SART3: variants seen among roughly 807,000 people sequenced by gnomAD.
SART3 encodes the protein spliceosome associated factor 3, U4/U6 recycling protein, also known as HIV-1 Tat-interacting protein of 110kDa.
A neutral mutation model predicts 122.3 loss-of-function variants in SART3; 44 were observed. The observed-to-expected ratio is 0.36, with a 90% CI of 0.28 to 0.46. The LOEUF (loss-of-function observed/expected upper bound fraction) is 0.46. SART3 is among the 20% of genes least tolerant of loss of function. The pLI is 1.00. For missense variants in SART3, 1,101 were observed against 1,229.0 expected, an observed-to-expected ratio of 0.90 and a Z score of 1.56; for synonymous variants, 442 against 454.0, an observed-to-expected ratio of 0.97 and a Z score of 0.34.
At chr12:108,558,578 C>T (rs770322333) in intron 1 of SART3, among the ~76,000 whole-genome samples, 1 of 152,178 alleles carries the variant, frequency 6.6e-6, no homozygotes, top group Non-Finnish European at 1.5e-5. Context: ...TGGTCCCAAA[C>T]CTCTCTTTCC....
rs1872342821 is a variant in SART3, at chr12:108,525,716, A to G, written c.2371-107T>C. 3 of 1,171,540 alleles carry G rather than the reference A, an allele frequency of 2.6e-6. No individual in the cohort carries two copies. The African/African-American group carries it at 4.5e-5, about 17-fold the overall frequency. 72.6% of individuals were successfully genotyped at this position (1,171,540 alleles called of 1,614,324 possible). A position where few individuals can be genotyped will look rare whatever the true frequency, so the allele number is the denominator to read the frequency against. ...CCCCATGAGCAGCCCAGCCAGGCAG[A>G]CTAGAGCCAAGCCATGCTCTGAAAC... On this transcript the variant is annotated intron_variant, in intron 16 of 18. Coordinates refer to ENST00000546815, the MANE Select transcript of SART3 (RefSeq NM_014706.4).
rs749187771 is a variant in SART3, at chr12:108,561,125, T to C, written c.30A>G (p.Ser10=). 9.3e-6 allele frequency: 15 copies of C among 1,613,566 alleles called. No homozygotes were observed. The South Asian group carries it at 1.1e-4, about 12-fold the overall frequency. The change falls in exon 1 of 19, where the codon TCA becomes TCG. Residue 10 remains serine, a synonymous_variant. Coordinates refer to ENST00000546815, the MANE Select transcript of SART3 (RefSeq NM_014706.4). The part of the protein sequence containing the change: MATAAETSA[S]EPEAESKAGP... ...CAGCCTTGGACTCAGCCTCGGGTTC[T>C]GAAGCCGAGGTTTCGGCCGCAGTCG...
intron 17 of SART3, chr12:108,524,760 T>A (rs540991485): frequency 1.8e-6 from 1 of 563,770 alleles, no homozygotes; most frequent in African/African-American, 1.9e-5. Context: ...ACCTTGTACG[T>A]GCTGCAGAAG....
rs759061939 is a variant in SART3, at chr12:108,531,193, A to G, written c.1746+11T>C. On this transcript the variant is annotated intron_variant, in intron 14 of 18. Transcript: ENST00000546815. ...ACCAGAGGTGCCAAAGACTTCAAACATTGTCATTACCTTCATTCTCTGCTC... is the reference window on the plus strand; with the variant it reads ...ACCAGAGGTGCCAAAGACTTCAAACGTTGTCATTACCTTCATTCTCTGCTC... The G allele has an allele frequency of 6.2e-7, 1 of 1,613,250 alleles. No individual in the cohort carries two copies. Among genetic ancestry groups the G allele is most frequent in the Middle Eastern group, 1.7e-4 (1 of 6,054 alleles).
At chr12:108,549,048 T>C in intron 2 of SART3, 40 bp downstream of exon 2, 1 of 1,613,724 alleles carries the variant, frequency 6.2e-7, no homozygotes, top group Non-Finnish European at 8.5e-7. Flanking sequence ...GTGCAAGCCT[T>C]GTTTCTGTTT....
intron 14 of SART3, 57 bp downstream of exon 14, chr12:108,531,147 C>T (rs1349678773): frequency 4.4e-5 from 61 of 1,382,930 alleles, no homozygotes; most frequent in Non-Finnish European, 6.0e-5. Context: ...AACATCCATA[C>T]CAAACTGAGC....
chr12:108,540,424 A>C (rs1340297330), intron 6 of SART3, among the ~76,000 whole-genome samples: 3 of 152,204 alleles, frequency 2.0e-5, no homozygotes, highest in Non-Finnish European at 4.4e-5. Context: ...TCTAAAGGTC[A>C]AGTGTTGAAG....
At chr12:108,524,109 G>C in intron 18 of SART3, 1 of 615,302 alleles carries the variant, frequency 1.6e-6, no homozygotes, top group Non-Finnish European at 2.9e-6. Flanking sequence ...AAATTGGCCA[G>C]TACCAGGCAG....
At chr12:108,558,134 T>C (rs2030312297) in intron 1 of SART3, among the ~76,000 whole-genome samples, 1 of 151,460 alleles carries the variant, frequency 6.6e-6, no homozygotes, top group Non-Finnish European at 1.5e-5. Flanking sequence ...ACACCACTAC[T>C]CCAGCATGGG....
At chr12:108,534,683 A>G (rs367786264) in intron 12 of SART3, among the ~76,000 whole-genome samples, 17 of 152,292 alleles carry the variant, frequency 1.1e-4, no homozygotes, top group East Asian at 9.6e-4. Context: ...CCTCCCCCGA[A>G]AAAAGAAAAG....
chr12:108,541,086 G>T (rs1280794537), intron 6 of SART3, among the ~76,000 whole-genome samples: 3 of 152,168 alleles, frequency 2.0e-5, no homozygotes, highest in African/African-American at 7.2e-5. Context: ...ACTAAGAACT[G>T]TTCATCAAAA....
At chr12:108,535,756 G>T (rs1396990824) in intron 11 of SART3, among the ~76,000 whole-genome samples, 1 of 146,842 alleles carries the variant, frequency 6.8e-6, no homozygotes, top group Non-Finnish European at 1.5e-5. Flanking sequence ...TTTTTATCAA[G>T]CTTAACTACA....
intron 8 of SART3, among the ~76,000 whole-genome samples, 178 bp downstream of exon 8, chr12:108,537,887 A>G (rs1872986393): frequency 6.6e-6 from 1 of 152,230 alleles, no homozygotes; most frequent in African/African-American, 2.4e-5. Flanking sequence ...AGCATGTTAA[A>G]AAGCTCTAAG....
At chr12:108,547,233 T>G (rs541757091) in intron 3 of SART3, among the ~76,000 whole-genome samples, 11 of 152,298 alleles carry the variant, frequency 7.2e-5, no homozygotes, top group African/African-American at 2.4e-4. Flanking sequence ...GTAAAGAGAC[T>G]TAAAGGGAGG....
chr12:108,557,574 C>T (rs942881474), intron 1 of SART3, among the ~76,000 whole-genome samples: 6 of 152,168 alleles, frequency 3.9e-5, no homozygotes, highest in Non-Finnish European at 8.8e-5. Flanking sequence ...AGGCGCTTTA[C>T]GCACATTGTG....
At chr12:108,540,675 A>T (rs1446410334) in intron 6 of SART3, among the ~76,000 whole-genome samples, 1 of 149,886 alleles carries the variant, frequency 6.7e-6, no homozygotes, top group Non-Finnish European at 1.5e-5. Context: ...CCTCTTGAAG[A>T]GGAAAAAGGT....
intron 15 of SART3, 92 bp from the exon 16 acceptor site, chr12:108,526,645 G>GCTGCATGTGACAC (rs1872399288): frequency 2.2e-6 from 3 of 1,346,558 alleles, no homozygotes; most frequent in Non-Finnish European, 3.2e-6. Flanking sequence ...TGCTGTGACA[G>GCTGCATGTGACAC]CTGCATGTGA....
chr12:108,556,058 C>A (rs2030208305), intron 1 of SART3, among the ~76,000 whole-genome samples: 1 of 151,740 alleles, frequency 6.6e-6, no homozygotes. Context: ...CAACCTATGA[C>A]TATGACCCCC....
intron 5 of SART3, 91 bp from the exon 6 acceptor site, chr12:108,543,243 GC>G (rs1873248507): frequency 4.1e-6 from 6 of 1,467,430 alleles, no homozygotes; most frequent in Non-Finnish European, 4.7e-6. Flanking sequence ...GGTGCCACTA[GC>G]CCCTCCCACA....
Sources: allele counts gnomAD v4.1 joint callset (sites outside exome capture counted in the v4.1 genomes callset), GRCh38; gene constraint gnomAD v4.1.1; transcripts MANE v1.5; gene names NCBI Gene and HGNC (gene_info 2026-07-23, HGNC 2026-07-21).